The following DMD variants were observed in gnomAD, a reference collection of about 807,000 sequenced individuals.
DMD encodes dystrophin, also known as mutant dystrophin.
In DMD, 63 loss-of-function variants were observed where a neutral mutation model predicts 330.1. That is an observed-to-expected ratio of 0.19 (90% CI 0.16 to 0.24). The LOEUF is 0.24. Ranked by LOEUF, DMD falls within the 10% of genes least tolerant of loss-of-function variation. The pLI is 1.00. For synonymous variants in DMD, 1,223 were observed against 959.8 expected (o/e 1.27, Z -5.07); for missense variants, 3,344 against 2,684.1 (o/e 1.25, Z -5.43).
At chrX:33,278,946 C>T (rs909546926) in intron 1 of DMD, among the ~76,000 whole-genome samples, 2 of 111,561 alleles carry the variant, frequency 1.8e-5, no homozygotes, top group African/African-American at 6.5e-5. Flanking sequence ...CCTACGAAAA[C>T]ACTTAGGAAG....
chrX:32,777,066 T>G (rs747651083), intron 7 of DMD, among the ~76,000 whole-genome samples: 1 of 109,380 alleles, frequency 9.1e-6, no homozygotes, highest in African/African-American at 3.3e-5. Context: ...TTGTCTTTTT[T>G]TTTTGTTTTT....
intron 60 of DMD, among the ~76,000 whole-genome samples, chrX:31,361,721 C>T (rs897733769): frequency 3.6e-5 from 4 of 109,639 alleles, no homozygotes; most frequent in Non-Finnish European, 7.6e-5. Flanking sequence ...CTTATAGTGT[C>T]AATCTTTCCT....
chrX:31,876,917 TC>T (rs1393009125), intron 47 of DMD, among the ~76,000 whole-genome samples: 7 of 110,847 alleles, frequency 6.3e-5, no homozygotes, highest in African/African-American at 2.3e-4. Context: ...ATACATCTGT[TC>T]CATAATAATA....
At chrX:33,013,121 CCAA>C (rs1353353184) in intron 2 of DMD, among the ~76,000 whole-genome samples, 4 of 110,045 alleles carry the variant, frequency 3.6e-5, no homozygotes, top group Admixed American at 2.0e-4. Flanking sequence ...AATTTTTGTC[CCAA>C]CAATAATAGG....
chrX:31,191,525 G>A (rs1427531480), intron 67 of DMD, among the ~76,000 whole-genome samples: 1 of 110,994 alleles, frequency 9.0e-6, no homozygotes, highest in Non-Finnish European at 1.9e-5. Flanking sequence ...TCTTTCCTGC[G>A]CCGTTCTCGT....
intron 1 of DMD, among the ~76,000 whole-genome samples, chrX:33,206,027 G>GATA (rs1369023249): frequency 9.0e-6 from 1 of 111,443 alleles, no homozygotes; most frequent in African/African-American, 3.3e-5. Flanking sequence ...TCATTACATG[G>GATA]ATAAGCATTG....
intron 51 of DMD, among the ~76,000 whole-genome samples, chrX:31,745,722 C>G (rs1569332887): frequency 9.0e-6 from 1 of 111,611 alleles, no homozygotes; most frequent in Non-Finnish European, 1.9e-5. Flanking sequence ...TTATATTTTA[C>G]TATATAGGGG....
At chrX:32,026,216 A>G (rs1309755336) in intron 44 of DMD, among the ~76,000 whole-genome samples, 9 of 112,370 alleles carry the variant, frequency 8.0e-5, no homozygotes, top group Admixed American at 7.5e-4. Context: ...CCTCATCTCC[A>G]TTTCATCAAC....
chrX:31,743,632 A>G (rs2087555203), intron 51 of DMD, among the ~76,000 whole-genome samples: 1 of 111,697 alleles, frequency 9.0e-6, no homozygotes, highest in Non-Finnish European at 1.9e-5. Flanking sequence ...ATGTGGAGCT[A>G]AACAGTGCGT....
At chrX:32,675,578 G>T (rs188307637) in intron 9 of DMD, among the ~76,000 whole-genome samples, 2 of 111,473 alleles carry the variant, frequency 1.8e-5, no homozygotes, top group Admixed American at 1.9e-4. Context: ...GTGCATAAGT[G>T]TGTTTATGAA....
At chrX:32,532,297 A>C (rs975920769) in intron 17 of DMD, among the ~76,000 whole-genome samples, 1 of 112,333 alleles carries the variant, frequency 8.9e-6, no homozygotes, top group African/African-American at 3.3e-5. Flanking sequence ...CAGAATGTAG[A>C]ACAGACATAA....
intron 15 of DMD, among the ~76,000 whole-genome samples, chrX:32,566,619 C>G (rs781730754): frequency 8.9e-6 from 1 of 112,201 alleles, no homozygotes; most frequent in Non-Finnish European, 1.9e-5. Flanking sequence ...ACTTATGTGT[C>G]TTATGAAGCA....
At chrX:32,036,605 A>G (rs1350024581) in intron 44 of DMD, among the ~76,000 whole-genome samples, 1 of 111,386 alleles carries the variant, frequency 9.0e-6, no homozygotes, top group African/African-American at 3.3e-5. Flanking sequence ...CACCTGAGGG[A>G]CATCTAAATA....
chrX:32,929,252 A>C (rs952581417), intron 2 of DMD, among the ~76,000 whole-genome samples: 2 of 111,330 alleles, frequency 1.8e-5, no homozygotes, highest in Admixed American at 1.9e-4. Flanking sequence ...ATTCAATTAG[A>C]GCTCCACCAA....
intron 76 of DMD, among the ~76,000 whole-genome samples, chrX:31,145,870 C>T (rs1044442268): frequency 8.1e-5 from 9 of 111,655 alleles, no homozygotes; most frequent in African/African-American, 2.9e-4. Flanking sequence ...ACCATATTGG[C>T]CGGGCTGGTC....
chrX:32,026,175 A>G (rs1055175578), intron 44 of DMD, among the ~76,000 whole-genome samples: 11 of 112,179 alleles, frequency 9.8e-5, no homozygotes, highest in African/African-American at 3.6e-4. Context: ...ATTCAGATAT[A>G]AAATATTTTG....
At chrX:31,142,687 G>A (rs2036213550) in intron 76 of DMD, among the ~76,000 whole-genome samples, 1 of 112,438 alleles carries the variant, frequency 8.9e-6, no homozygotes, top group Non-Finnish European at 1.9e-5. Context: ...CTGGTGGAAA[G>A]TTAGGAGTCA....
At chrX:31,556,152 G>A (rs1008654636) in intron 55 of DMD, among the ~76,000 whole-genome samples, 3 of 110,188 alleles carry the variant, frequency 2.7e-5, no homozygotes, top group Non-Finnish European at 5.7e-5. Flanking sequence ...TGGATCACGA[G>A]GTCAGGAGAT....
chrX:31,983,664 G>A (rs959446084), intron 44 of DMD, among the ~76,000 whole-genome samples: 3 of 111,505 alleles, frequency 2.7e-5, no homozygotes, highest in African/African-American at 9.8e-5. Context: ...AACAAGGAAA[G>A]GCAGTTACCA....
Sources: allele counts gnomAD v4.1 joint callset (sites outside exome capture counted in the v4.1 genomes callset), GRCh38; gene constraint gnomAD v4.1.1; transcripts MANE v1.5; gene names NCBI Gene and HGNC (gene_info 2026-07-23, HGNC 2026-07-21).